AGAP1: variants seen among roughly 807,000 people sequenced by gnomAD.
AGAP1 encodes arf-GAP with GTPase, ANK repeat and PH domain-containing protein 1.
In AGAP1, 29 loss-of-function variants were observed where a neutral mutation model predicts 105.3. The observed-to-expected ratio is 0.28, with a 90% CI of 0.21 to 0.38. AGAP1 has a LOEUF of 0.38. AGAP1 is among the 10% of genes least tolerant of loss of function. AGAP1 has a pLI of 1.00. For synonymous variants in AGAP1, 509 were observed against 485.9 expected, an observed-to-expected ratio of 1.05 and a Z score of -0.63; for missense variants, 998 against 1,165.1, an observed-to-expected ratio of 0.86 and a Z score of 2.09.
intron 6 of AGAP1, among the ~76,000 whole-genome samples, chr2:235,779,083 C>G (rs553642025): frequency 4.6e-5 from 7 of 152,346 alleles, no homozygotes; most frequent in African/African-American, 1.7e-4. Flanking sequence ...GCTGGGAACC[C>G]AGGCAGTCAG....
chr2:235,693,708 T>A (rs920330166), intron 1 of AGAP1, among the ~76,000 whole-genome samples: 1 of 152,104 alleles, frequency 6.6e-6, no homozygotes, highest in Non-Finnish European at 1.5e-5. Context: ...CACAAAACAT[T>A]AGAAGTAGTA....
rs540546233 is a variant in AGAP1, at chr2:236,087,646, G to C, written c.2115-32546G>C. On this transcript the variant is annotated intron_variant, in intron 16 of 17. Coordinates refer to ENST00000304032, the MANE Select transcript of AGAP1 (RefSeq NM_001037131.3). This position sits in a 1 kb window ranked among gnomAD's most constrained non-coding sequence, Gnocchi z 5.7. ...TAACATGATCACCTGGTGTTTTAAA[G>C]CTTTTCTCTGTTTCCATGTGGTGCC... 6.6e-6 allele frequency among the ~76,000 whole-genome samples: 1 copy of C among 152,182 alleles called. No homozygotes were observed. The highest frequency in any genetic ancestry group is 1.5e-5 in the Non-Finnish European group (1 of 68,016).
rs572039257 is a variant in AGAP1, at chr2:235,647,749, G to A, written c.164-61430G>A. 1.6e-4 allele frequency among the ~76,000 whole-genome samples: 25 copies of A among 152,146 alleles called. No homozygotes were observed. In the South Asian group the frequency reaches 5.0e-3, roughly 30 times the overall value. On this transcript the variant is annotated intron_variant, in intron 1 of 17. Coordinates refer to ENST00000304032, the MANE Select transcript of AGAP1 (RefSeq NM_001037131.3). ...TAGTGTTGACAATATAGGTTTTTAG[G>A]TCTGGAATGAACTTCCATTCTAGTC...
chr2:236,013,898 G>A (rs1172938752), intron 13 of AGAP1, among the ~76,000 whole-genome samples: 17 of 152,068 alleles, frequency 1.1e-4, no homozygotes, highest in Non-Finnish European at 2.4e-4. Context: ...CGGAGAGAAT[G>A]CCTCAAGTCG....
chr2:235,674,133 C>G (rs1233933489), intron 1 of AGAP1, among the ~76,000 whole-genome samples: 3 of 152,168 alleles, frequency 2.0e-5, no homozygotes, highest in African/African-American at 7.2e-5. Context: ...TGGAACTTGT[C>G]TATTTAGGCT....
chr2:235,995,686 A>G (rs1429382644), intron 13 of AGAP1, among the ~76,000 whole-genome samples: 1 of 152,200 alleles, frequency 6.6e-6, no homozygotes, highest in East Asian at 1.9e-4. Flanking sequence ...AGAAAGCTGC[A>G]CAGACCTCAT....
In AGAP1 at chr2:236,042,332, G is replaced by C. The variant is rs1282269820; in HGVS notation, c.1891+1491G>C. 2.0e-5 allele frequency among the ~76,000 whole-genome samples: 3 copies of C among 152,078 alleles called. No homozygotes were observed. The stretch of plus-strand genomic sequence containing the variant: ...GGGGAGAGATCAAAAGTCTGTCTGC[G>C]GCCTCTCTGGAAGCCTGTCCTGCGG... On this transcript the variant is annotated intron_variant, in intron 15 of 17. Transcript: ENST00000304032. This position sits in a 1 kb window ranked among gnomAD's most constrained non-coding sequence, Gnocchi z 5.6.
chr2:235,661,602 G>A (rs1312224465), intron 1 of AGAP1, among the ~76,000 whole-genome samples: 1 of 152,186 alleles, frequency 6.6e-6, no homozygotes, highest in Non-Finnish European at 1.5e-5. Flanking sequence ...TGGTGATGTG[G>A]ACTTGGGGCT....
chr2:235,648,035 A>C (rs531822164), intron 1 of AGAP1, among the ~76,000 whole-genome samples: 10 of 152,322 alleles, frequency 6.6e-5, no homozygotes, highest in Admixed American at 2.0e-4. Flanking sequence ...CCAACCCCCA[A>C]GTTATTCTTA....
At chr2:235,884,594 G>A (rs976855416) in intron 10 of AGAP1, among the ~76,000 whole-genome samples, 7 of 151,712 alleles carry the variant, frequency 4.6e-5, no homozygotes, top group African/African-American at 1.7e-4. Flanking sequence ...GGAATTACAG[G>A]TGCCTGCCAC....
chr2:235,704,413 C>T (rs1239401275), intron 1 of AGAP1, among the ~76,000 whole-genome samples: 13 of 152,246 alleles, frequency 8.5e-5, no homozygotes, highest in East Asian at 3.9e-4. Context: ...CTTGGGAGGC[C>T]GAGGCCAGCG....
intron 1 of AGAP1, among the ~76,000 whole-genome samples, chr2:235,603,605 C>T (rs1945813496): frequency 6.6e-6 from 1 of 152,158 alleles, no homozygotes; most frequent in Non-Finnish European, 1.5e-5. Flanking sequence ...TAGTATACAC[C>T]AGGAAATGCA....
rs941408436 is a variant in AGAP1, at chr2:235,692,574, C to T, written c.164-16605C>T. Among the ~76,000 whole-genome samples, 2 of 152,038 alleles carry T rather than the reference C, an allele frequency of 1.3e-5. No homozygotes were observed. The highest frequency in any genetic ancestry group is 4.8e-5 in the African/African-American group (2 of 41,378). On this transcript the variant is annotated intron_variant, in intron 1 of 17. Coordinates refer to ENST00000304032, the MANE Select transcript of AGAP1 (RefSeq NM_001037131.3). This position sits in a 1 kb window ranked among gnomAD's most constrained non-coding sequence, Gnocchi z 5.8. ...CCCCTATGCTCTCCCCCCTTGCCCT[C>T]CCCCCTTGCCTTCCTGGGCCATCCT...
chr2:235,780,995 T>C (rs532531095), intron 6 of AGAP1, among the ~76,000 whole-genome samples: 1 of 152,182 alleles, frequency 6.6e-6, no homozygotes, highest in African/African-American at 2.4e-5. Flanking sequence ...TGCTAAATAT[T>C]CTCTGGACAA....
In AGAP1 at chr2:235,566,518, A is replaced by G. The variant is rs1305565823; in HGVS notation, c.163+71669A>G. On this transcript the variant is annotated intron_variant, in intron 1 of 17. Transcript: ENST00000304032. The surrounding 1 kb of genome is among the most constrained non-coding windows in gnomAD (Gnocchi z 5.2). ...CATTCATAAACAGTGAAAAGCACAAATCATCAGTGCGCCGTACGTTTTGGC... is the reference window on the plus strand; with the variant it reads ...CATTCATAAACAGTGAAAAGCACAAGTCATCAGTGCGCCGTACGTTTTGGC... The G allele has an allele frequency of 6.4e-6, 6 of 944,876 alleles. No homozygotes were observed. The South Asian group carries it at 2.0e-4, about 31-fold the overall frequency. 58.5% of individuals were successfully genotyped at this position (944,876 alleles called of 1,614,324 possible). A position where few individuals can be genotyped will look rare whatever the true frequency, so the allele number is the denominator to read the frequency against.
chr2:235,602,760 G>C (rs937683025), intron 1 of AGAP1, among the ~76,000 whole-genome samples: 1 of 152,144 alleles, frequency 6.6e-6, no homozygotes, highest in African/African-American at 2.4e-5. Context: ...GGAGTGCAGT[G>C]GTGCGATCTT....
intron 1 of AGAP1, chr2:235,670,333 C>A: frequency 2.1e-6 from 1 of 485,916 alleles, no homozygotes; most frequent in Non-Finnish European, 3.6e-6. Context: ...AGGCGGAGGG[C>A]GCCGAGGAAC....
At position 235,622,439 on chromosome 2, in the gene AGAP1, A is replaced by T. The variant is rs1009805579; in HGVS notation, c.164-86740A>T. Reference sequence around the variant, plus strand: ...CCCATCTCACTGGGGTGATGAATGGATCTAGACCTGGTGCCTGGACTCAAT... The same window carrying T: ...CCCATCTCACTGGGGTGATGAATGGTTCTAGACCTGGTGCCTGGACTCAAT... On this transcript the variant is annotated intron_variant, in intron 1 of 17. Transcript: ENST00000304032. The surrounding 1 kb of genome is among the most constrained non-coding windows in gnomAD (Gnocchi z 5.0). 6.6e-6 allele frequency among the ~76,000 whole-genome samples: 1 copy of T among 152,154 alleles called. No individual in the cohort carries two copies. Among genetic ancestry groups the T allele is most frequent in the Admixed American group, 6.5e-5 (1 of 15,274 alleles).
At chr2:235,966,253 T>C (rs1440331315) in intron 12 of AGAP1, among the ~76,000 whole-genome samples, 7 of 143,080 alleles carry the variant, frequency 4.9e-5, no homozygotes, top group African/African-American at 1.9e-4. Flanking sequence ...GGGAGTCCGT[T>C]CCTCTGGGGA....
Sources: gnomAD v4.1 joint callset for allele counts (sites outside exome capture counted in the v4.1 genomes callset) on GRCh38, gnomAD v4.1.1 for gene constraint, Gnocchi (gnomAD v3.1) non-coding constraint, MANE v1.5 for transcripts, NCBI Gene and HGNC (gene_info 2026-07-23, HGNC 2026-07-21) for gene names.